The following ZNF385D variants were observed in gnomAD, a reference collection of about 807,000 sequenced individuals.
ZNF385D encodes the protein zinc finger protein 659.
ZNF385D carries 15 observed loss-of-function variants against 35.8 expected under a neutral mutation model. The observed-to-expected ratio is 0.42, with a 90% CI of 0.28 to 0.64. The LOEUF (loss-of-function observed/expected upper bound fraction) is 0.64. Among genes scored for constraint, ZNF385D ranks in the 30% least tolerant of loss-of-function variants. The pLI, the probability that ZNF385D is intolerant of heterozygous loss-of-function variation, is 0.23. For missense variants in ZNF385D, 474 were observed against 494.6 expected (o/e 0.96, Z 0.39); for synonymous variants, 212 against 186.8 (o/e 1.13, Z -1.10).
intron 3 of ZNF385D, among the ~76,000 whole-genome samples, chr3:21,919,050 G>A (rs959687126): frequency 6.6e-5 from 10 of 152,080 alleles, no homozygotes; most frequent in Admixed American, 1.3e-4. Flanking sequence ...AAATAGTATC[G>A]TGGACATGGT....
At chr3:21,584,870 A>C (rs1026881294) in intron 2 of ZNF385D, among the ~76,000 whole-genome samples, 1 of 152,122 alleles carries the variant, frequency 6.6e-6, no homozygotes, top group African/African-American at 2.4e-5. Flanking sequence ...TATTCCATGC[A>C]CTTCATGTAC....
intron 2 of ZNF385D, among the ~76,000 whole-genome samples, chr3:21,651,005 C>T (rs145999711): frequency 3.7e-4 from 56 of 151,946 alleles, no homozygotes; most frequent in South Asian, 3.3e-3. Context: ...AAGGGCCAGG[C>T]GCGGTGGCTC....
At chr3:21,514,025 C>A (rs1707400720) in intron 3 of ZNF385D, among the ~76,000 whole-genome samples, 2 of 152,022 alleles carry the variant, frequency 1.3e-5, no homozygotes, top group African/African-American at 4.8e-5. Flanking sequence ...TAAAAAAAAG[C>A]TGCAGCCTAA....
At chr3:22,347,753 A>C (rs1695724211) in intron 2 of ZNF385D, among the ~76,000 whole-genome samples, 1 of 152,178 alleles carries the variant, frequency 6.6e-6, no homozygotes, top group Non-Finnish European at 1.5e-5. Context: ...TCAGCTATTA[A>C]ATTTGGGAAC....
At chr3:22,351,625 T>C (rs1342007419) in intron 2 of ZNF385D, among the ~76,000 whole-genome samples, 1 of 152,136 alleles carries the variant, frequency 6.6e-6, no homozygotes, top group East Asian at 1.9e-4. Context: ...CTCTGTATAA[T>C]GAGAGTAAGC....
In ZNF385D at chr3:21,415,409, A is replaced by G. The variant is rs1575109283; in HGVS notation, c.*5805T>C. Reference sequence around the variant, plus strand: ...AGAGTGCATAACATCTTAACATTATATCTACTTCCCAGCCCCTCCAATGCC... The same window carrying G: ...AGAGTGCATAACATCTTAACATTATGTCTACTTCCCAGCCCCTCCAATGCC... On this transcript the variant is annotated 3_prime_UTR_variant, in exon 8 of 8. Coordinates refer to ENST00000281523, the MANE Select transcript of ZNF385D (RefSeq NM_024697.3). 6.6e-6 allele frequency: 1 copy of G among 152,118 alleles called. No homozygotes were observed. The highest frequency in any genetic ancestry group is 1.5e-5 in the Non-Finnish European group (1 of 67,994). The allele number at this position is 152,118 out of a possible 1,614,324, so 9.4% of individuals were successfully genotyped here. A position where few individuals can be genotyped will look rare whatever the true frequency, so the allele number is the denominator to read the frequency against.
At chr3:21,913,243 G>C (rs1383849191) in intron 3 of ZNF385D, among the ~76,000 whole-genome samples, 2 of 152,126 alleles carry the variant, frequency 1.3e-5, no homozygotes, top group African/African-American at 4.8e-5. Context: ...TCACCATGCA[G>C]TGCTGCAATG....
intron 2 of ZNF385D, among the ~76,000 whole-genome samples, chr3:22,370,758 G>T (rs1329021191): frequency 2.6e-5 from 4 of 152,138 alleles, no homozygotes; most frequent in Non-Finnish European, 4.4e-5. Context: ...ACCTTCTTGG[G>T]ATTGTTAGGC....
At chr3:22,213,409 C>T (rs1245096798) in intron 2 of ZNF385D, among the ~76,000 whole-genome samples, 1 of 152,050 alleles carries the variant, frequency 6.6e-6, no homozygotes, top group Non-Finnish European at 1.5e-5. Context: ...GGATCTAAAG[C>T]AGAGTGATTG....
chr3:21,475,246 T>C (rs1704157388), intron 4 of ZNF385D, among the ~76,000 whole-genome samples: 1 of 152,088 alleles, frequency 6.6e-6, no homozygotes, highest in Admixed American at 6.6e-5. Flanking sequence ...ACAATTACCT[T>C]TGCACCAACC....
At chr3:21,720,084 T>C (rs116039170) in intron 1 of ZNF385D, among the ~76,000 whole-genome samples, 1,804 of 152,286 alleles carry the variant, frequency 0.012, 30 homozygotes, top group African/African-American at 0.04. Flanking sequence ...TAATGCCCAG[T>C]TCTCACCTCT....
chr3:22,148,345 C>T (rs570185762), intron 3 of ZNF385D, among the ~76,000 whole-genome samples: 38 of 152,324 alleles, frequency 2.5e-4, no homozygotes, highest in East Asian at 1.2e-3. Flanking sequence ...ATACCACCAT[C>T]TGTAAACACT....
intron 5 of ZNF385D, among the ~76,000 whole-genome samples, chr3:21,426,535 A>C (rs913622836): frequency 6.6e-6 from 1 of 151,686 alleles, no homozygotes; most frequent in Non-Finnish European, 1.5e-5. Flanking sequence ...TTTTTTTTAG[A>C]GTTGATAAGT....
intron 3 of ZNF385D, among the ~76,000 whole-genome samples, chr3:21,817,440 A>G (rs1052737295): frequency 4.6e-5 from 7 of 152,174 alleles, no homozygotes; most frequent in Non-Finnish European, 8.8e-5. Context: ...CCCATCTGAC[A>G]AAGGGCTAAT....
intron 2 of ZNF385D, among the ~76,000 whole-genome samples, chr3:21,623,722 A>G (rs1218941966): frequency 6.6e-6 from 1 of 152,098 alleles, no homozygotes; most frequent in African/African-American, 2.4e-5. Context: ...TCCTTAAAAT[A>G]TCACTACAGT....
intron 3 of ZNF385D, among the ~76,000 whole-genome samples, chr3:21,938,526 A>T (rs1474790934): frequency 6.6e-6 from 1 of 152,154 alleles, no homozygotes; most frequent in African/African-American, 2.4e-5. Flanking sequence ...CCCAGATGAT[A>T]AGCATGGGAT....
chr3:22,099,200 C>A (rs755093181), intron 3 of ZNF385D, among the ~76,000 whole-genome samples: 39 of 152,042 alleles, frequency 2.6e-4, no homozygotes, highest in African/African-American at 8.2e-4. Context: ...TTAAGTGAAG[C>A]ATCAAACCAC....
chr3:21,545,553 G>T (rs1480875058), intron 3 of ZNF385D, among the ~76,000 whole-genome samples: 1 of 152,194 alleles, frequency 6.6e-6, no homozygotes, highest in Non-Finnish European at 1.5e-5. Flanking sequence ...GGCTCCTCTA[G>T]AATTTGGAAA....
intron 3 of ZNF385D, among the ~76,000 whole-genome samples, chr3:22,046,342 G>A (rs931012217): frequency 2.6e-5 from 4 of 152,096 alleles, no homozygotes; most frequent in South Asian, 2.1e-4. Context: ...TCACTGTTCC[G>A]TAATACTCAA....
Sources: allele counts gnomAD v4.1 joint callset (sites outside exome capture counted in the v4.1 genomes callset), GRCh38; gene constraint gnomAD v4.1.1; transcripts MANE v1.5; gene names NCBI Gene and HGNC (gene_info 2026-07-23, HGNC 2026-07-21).